ARNT2: variants seen among roughly 807,000 people sequenced by gnomAD.
The protein encoded by ARNT2 is aryl hydrocarbon receptor nuclear translocator 2, also known as ARNT protein 2.
ARNT2 carries 36 observed loss-of-function variants against 91.7 expected under a neutral mutation model. The observed-to-expected ratio is 0.39, with a 90% CI of 0.30 to 0.52. The LOEUF is 0.52. Ranked by LOEUF, ARNT2 falls within the 20% of genes least tolerant of loss-of-function variation. The pLI is 0.72. For missense variants in ARNT2, 775 were observed against 939.3 expected (o/e 0.83, Z 2.29); for synonymous variants, 365 against 347.1 (o/e 1.05, Z -0.57).
At chr15:80,564,527 ATT>A (rs34881457) in intron 12 of ARNT2, among the ~76,000 whole-genome samples, 5 of 150,368 alleles carry the variant, frequency 3.3e-5, no homozygotes, top group Admixed American at 1.3e-4. Context: ...AATGACCTGG[ATT>A]TTTTTTTTTA....
At chr15:80,503,490 G>A (rs1166102030) in intron 5 of ARNT2, among the ~76,000 whole-genome samples, 2 of 152,308 alleles carry the variant, frequency 1.3e-5, no homozygotes, top group East Asian at 3.9e-4. Context: ...TCATGGAAGT[G>A]TGTTTTTTCA....
At position 80,498,146 on chromosome 15, in the gene ARNT2, A is replaced by G. The variant is rs530568872; in HGVS notation, c.623-10010A>G. ...GTTAACTCCCTGTTACTAAACTGGA[A>G]CAAGTTCTACCCTGAGTGACCAGCC... On this transcript the variant is annotated intron_variant, in intron 5 of 18. Coordinates refer to ENST00000303329, the MANE Select transcript of ARNT2 (RefSeq NM_014862.4). 3.9e-5 allele frequency among the ~76,000 whole-genome samples: 6 copies of G among 152,292 alleles called. No individual in the cohort carries two copies. In the South Asian group the frequency reaches 1.2e-3, roughly 32 times the overall value.
At chr15:80,517,159 G>T (rs1245426762) in intron 8 of ARNT2, among the ~76,000 whole-genome samples, 4 of 151,706 alleles carry the variant, frequency 2.6e-5, no homozygotes, top group South Asian at 2.1e-4. Flanking sequence ...TCTGTTTTTG[G>T]TTTTTTGTAG....
At chr15:80,472,823 A>T (rs1896749863) in intron 4 of ARNT2, among the ~76,000 whole-genome samples, 1 of 152,228 alleles carries the variant, frequency 6.6e-6, no homozygotes, top group Admixed American at 6.5e-5. Flanking sequence ...AACAGACAGA[A>T]ATTATTGAGC....
At chr15:80,497,789 G>A (rs193193027) in intron 5 of ARNT2, among the ~76,000 whole-genome samples, 24 of 152,338 alleles carry the variant, frequency 1.6e-4, no homozygotes, top group Non-Finnish European at 2.8e-4. Flanking sequence ...CAGTGTTGCA[G>A]AGGAGATAAT....
intron 1 of ARNT2, among the ~76,000 whole-genome samples, chr15:80,447,032 G>A (rs1413784113): frequency 6.6e-6 from 1 of 152,088 alleles, no homozygotes; most frequent in East Asian, 1.9e-4. Context: ...AAAACAAGAA[G>A]AGCTTTTAGG....
At chr15:80,564,878 C>A (rs540755753) in intron 12 of ARNT2, among the ~76,000 whole-genome samples, 1 of 151,910 alleles carries the variant, frequency 6.6e-6, no homozygotes, top group African/African-American at 2.4e-5. Flanking sequence ...TTTTTAATGG[C>A]TGCATATTTT....
At chr15:80,496,385 A>G (rs1897126637) in intron 5 of ARNT2, among the ~76,000 whole-genome samples, 1 of 152,178 alleles carries the variant, frequency 6.6e-6, no homozygotes, top group Non-Finnish European at 1.5e-5. Context: ...AGAGTTTGAC[A>G]CAGCCTGTAA....
In ARNT2 at chr15:80,404,398, G is replaced by A. The variant is rs1895565244; in HGVS notation, c.-118G>A. On this transcript the variant is annotated 5_prime_UTR_variant, in exon 1 of 19. Coordinates refer to ENST00000303329, the MANE Select transcript of ARNT2 (RefSeq NM_014862.4). The surrounding 1 kb of genome is among the most constrained non-coding windows in gnomAD (Gnocchi z 5.5). ...GGAGGGAGCGCCGCCCGCCCGCGCC[G>A]TCCTTTGTGTGGCGGCGGCGGCGCC... is the stretch of plus-strand genomic sequence containing the variant. The A allele has an allele frequency of 1.8e-6, 1 of 556,670 alleles. No homozygotes were observed. Among genetic ancestry groups the A allele is most frequent in the Non-Finnish European group, 2.3e-6 (1 of 431,296 alleles). The allele number at this position is 556,670 out of a possible 1,614,324, so 34.5% of individuals were successfully genotyped here. A position where few individuals can be genotyped will look rare whatever the true frequency, so the allele number is the denominator to read the frequency against.
intron 1 of ARNT2, among the ~76,000 whole-genome samples, chr15:80,422,062 G>A (rs914123054): frequency 4.6e-5 from 7 of 152,216 alleles, no homozygotes; most frequent in Non-Finnish European, 8.8e-5. Context: ...ATAAAAGAGT[G>A]GCTGGGAGAC....
chr15:80,510,898 A>G lies in ARNT2; in HGVS notation c.725+2640A>G, dbSNP rs192580225. 1.5e-3 allele frequency among the ~76,000 whole-genome samples: 221 copies of G among 152,286 alleles called. 1 individual carries two copies. The highest frequency in any genetic ancestry group is 2.3e-3 in the Admixed American group (35 of 15,304). On this transcript the variant is annotated intron_variant, in intron 6 of 18. Transcript: ENST00000303329. The stretch of plus-strand genomic sequence containing the variant: ...ATAACAGATGCTGGTGAGGTTGTGG[A>G]GAAAAAGGAATACTTACACAGTATT...
At chr15:80,488,566 A>G (rs1015101342) in intron 5 of ARNT2, 71 of 152,214 alleles carry the variant, frequency 4.7e-4, no homozygotes, top group African/African-American at 1.7e-3. Flanking sequence ...AAAAATTCAG[A>G]TGCCAGGACT....
At chr15:80,524,751 T>G (rs539036698) in intron 8 of ARNT2, among the ~76,000 whole-genome samples, 1 of 152,014 alleles carries the variant, frequency 6.6e-6, no homozygotes, top group African/African-American at 2.4e-5. Context: ...GGCGGGCGCC[T>G]GTAGTCCCAG....
chr15:80,596,891 G>T lies in ARNT2; in HGVS notation c.*3193G>T, dbSNP rs555422733. 4.6e-5 allele frequency: 16 copies of T among 345,096 alleles called. No individual in the cohort carries two copies. The East Asian group carries it at 9.8e-4, about 21-fold the overall frequency. The allele number at this position is 345,096 out of a possible 1,614,324, so 21.4% of individuals were successfully genotyped here. ...GATGGCAACAGGATGGCCAAGGATG[G>T]CTCTAGAACACTCTGTCCATGCGTC... On this transcript the variant is annotated 3_prime_UTR_variant, in exon 19 of 19. Coordinates refer to ENST00000303329, the MANE Select transcript of ARNT2 (RefSeq NM_014862.4).
intron 5 of ARNT2, among the ~76,000 whole-genome samples, chr15:80,490,358 T>C (rs1897038047): frequency 6.6e-6 from 1 of 152,210 alleles, no homozygotes; most frequent in Non-Finnish European, 1.5e-5. Flanking sequence ...TCCAGGCGGC[T>C]TCAAGGAGAA....
intron 1 of ARNT2, among the ~76,000 whole-genome samples, chr15:80,428,680 A>T (rs532942740): frequency 6.6e-6 from 1 of 152,324 alleles, no homozygotes; most frequent in South Asian, 2.1e-4. Flanking sequence ...AAAAGGAGTG[A>T]ATTCTGTCCT....
At chr15:80,566,003 C>T (rs955626497) in intron 12 of ARNT2, among the ~76,000 whole-genome samples, 6 of 152,148 alleles carry the variant, frequency 3.9e-5, no homozygotes, top group Non-Finnish European at 5.9e-5. Flanking sequence ...AATGACAGAA[C>T]GTACTGGCCC....
chr15:80,454,246 G>A (rs1896448227), intron 2 of ARNT2, among the ~76,000 whole-genome samples: 1 of 152,090 alleles, frequency 6.6e-6, no homozygotes, highest in South Asian at 2.1e-4. Flanking sequence ...ACAGGGTGGT[G>A]AGGGGTGGGG....
chr15:80,523,908 G>A (rs1364277834), intron 8 of ARNT2, among the ~76,000 whole-genome samples: 1 of 152,210 alleles, frequency 6.6e-6, no homozygotes, highest in Non-Finnish European at 1.5e-5. Flanking sequence ...TTTGCCGCAT[G>A]AGAAATGATT....
Sources: allele counts gnomAD v4.1 joint callset (sites outside exome capture counted in the v4.1 genomes callset), GRCh38; gene constraint gnomAD v4.1.1; non-coding constraint Gnocchi (gnomAD v3.1); transcripts MANE v1.5; gene names NCBI Gene and HGNC (gene_info 2026-07-23, HGNC 2026-07-21).